Variants in MAP7D2 observed in about 807,000 individuals in gnomAD.
The protein encoded by MAP7D2 is MAP7 domain-containing protein 2.
A neutral mutation model predicts 63.5 loss-of-function variants in MAP7D2; 33 were observed. The ratio of observed to expected loss-of-function variants is 0.52; its 90% CI spans 0.39 to 0.70. The LOEUF is 0.70. Ranked by LOEUF, MAP7D2 falls within the 30% of genes least tolerant of loss-of-function variation. The probability of loss-of-function intolerance (pLI) is 0.00; values close to 1 mark genes in which losing one functional copy is unlikely to be tolerated. For synonymous variants in MAP7D2, 224 were observed against 223.7 expected, an observed-to-expected ratio of 1.00 and a Z score of -0.01; for missense variants, 626 against 604.0, an observed-to-expected ratio of 1.04 and a Z score of -0.38.
intron 8 of MAP7D2, among the ~76,000 whole-genome samples, chrX:20,026,962 G>C (rs1020474502): frequency 6.2e-5 from 7 of 112,211 alleles, no homozygotes; most frequent in Middle Eastern, 4.6e-3. Flanking sequence ...TGACTTTTTT[G>C]ATCTATAAAA....
intron 6 of MAP7D2, among the ~76,000 whole-genome samples, chrX:20,045,038 G>C (rs1603370637): frequency 9.0e-6 from 1 of 111,245 alleles, no homozygotes; most frequent in Non-Finnish European, 1.9e-5. Flanking sequence ...GTGCCTGGGA[G>C]GGGATGCCTA....
intron 1 of MAP7D2, among the ~76,000 whole-genome samples, chrX:20,099,637 G>A (rs2066375310): frequency 8.9e-6 from 1 of 111,770 alleles, no homozygotes; most frequent in Admixed American, 9.6e-5. Context: ...CTACACACAT[G>A]ACAGACATTC....
At position 20,011,914 on chromosome X, in the gene MAP7D2, T is replaced by G. The variant is rs779043097; in HGVS notation, c.2072+435A>C. On this transcript the variant is annotated intron_variant, in intron 15 of 16. Coordinates refer to ENST00000379643, the MANE Select transcript of MAP7D2 (RefSeq NM_001168465.2). ...GGCTGAGGGCCTGTCACCAGGAATCTCTTAACAGCCAGAGTAAAGCTGCTG... is the reference window on the plus strand; with the variant it reads ...GGCTGAGGGCCTGTCACCAGGAATCGCTTAACAGCCAGAGTAAAGCTGCTG... Among the ~76,000 whole-genome samples, 104 of 112,470 alleles carry G rather than the reference T, an allele frequency of 9.2e-4. No homozygotes were observed. The Middle Eastern group carries it at 0.028, about 30-fold the overall frequency.
intron 8 of MAP7D2, among the ~76,000 whole-genome samples, chrX:20,033,995 C>T (rs946903127): frequency 9.1e-6 from 1 of 110,253 alleles, no homozygotes; most frequent in Non-Finnish European, 1.9e-5. Context: ...GAGGCCAAGG[C>T]GGGTGGATCA....
At chrX:20,034,739 C>T (rs1569517715) in intron 8 of MAP7D2, among the ~76,000 whole-genome samples, 1 of 111,693 alleles carries the variant, frequency 9.0e-6, no homozygotes, top group Non-Finnish European at 1.9e-5. Flanking sequence ...GACTTCCCAG[C>T]CTCCGGAACT....
intron 3 of MAP7D2, among the ~76,000 whole-genome samples, chrX:20,059,608 A>G (rs2065147482): frequency 9.8e-6 from 1 of 102,015 alleles, no homozygotes; most frequent in East Asian, 3.0e-4. Context: ...GGAAGGAAGG[A>G]AGGAAGGAAG....
intron 1 of MAP7D2, among the ~76,000 whole-genome samples, chrX:20,104,361 C>T (rs2066511481): frequency 8.9e-6 from 1 of 112,783 alleles, no homozygotes. Flanking sequence ...AGTACAGTGG[C>T]ACAATCTCAG....
chrX:20,042,775 C>A, intron 7 of MAP7D2, 146 bp from the exon 8 acceptor site: 1 of 711,140 alleles, frequency 1.4e-6, no homozygotes, highest in Non-Finnish European at 2.1e-6. Context: ...GGCATCTTTG[C>A]GGGGAGGCAG....
intron 1 of MAP7D2, among the ~76,000 whole-genome samples, chrX:20,104,520 C>G (rs900122902): frequency 2.7e-5 from 3 of 111,877 alleles, no homozygotes; most frequent in Non-Finnish European, 3.8e-5. Flanking sequence ...AGGCTGGTCT[C>G]GAACTCCTGA....
intron 8 of MAP7D2, among the ~76,000 whole-genome samples, chrX:20,036,687 C>T (rs1336654607): frequency 3.8e-5 from 4 of 104,755 alleles, no homozygotes; most frequent in South Asian, 4.5e-4. Flanking sequence ...GGGCGGATCA[C>T]GAGGTCAGGA....
intron 8 of MAP7D2, among the ~76,000 whole-genome samples, chrX:20,035,854 A>G (rs1380407841): frequency 9.0e-6 from 1 of 110,778 alleles, no homozygotes; most frequent in Non-Finnish European, 1.9e-5. Context: ...CAGAGGTTGC[A>G]GTGGGCCGAG....
chrX:20,044,310 C>A, intron 7 of MAP7D2, 54 bp downstream of exon 7: 1 of 1,132,004 alleles, frequency 8.8e-7, no homozygotes, highest in Non-Finnish European at 1.2e-6. Context: ...GTAATCACAC[C>A]ATCAGACAGA....
intron 6 of MAP7D2, among the ~76,000 whole-genome samples, chrX:20,049,397 G>A (rs191941614): frequency 2.8e-5 from 3 of 107,272 alleles, no homozygotes; most frequent in African/African-American, 1.0e-4. Flanking sequence ...TTAGCCTCCC[G>A]AGTAGCTGGG....
At chrX:20,098,061 C>CT (rs1340416309) in intron 1 of MAP7D2, among the ~76,000 whole-genome samples, 1 of 111,214 alleles carries the variant, frequency 9.0e-6, no homozygotes, top group Non-Finnish European at 1.9e-5. Context: ...AACAAAAAAT[C>CT]TTTTTTATGT....
At chrX:20,109,798 C>T (rs1418089112) in intron 1 of MAP7D2, among the ~76,000 whole-genome samples, 1 of 111,566 alleles carries the variant, frequency 9.0e-6, no homozygotes, top group African/African-American at 3.3e-5. Flanking sequence ...GTAATCCCAG[C>T]ACTTTGGGAG....
chrX:20,044,676 A>G, intron 6 of MAP7D2, 152 bp from the exon 7 acceptor site: 1 of 499,030 alleles, frequency 2.0e-6, no homozygotes, highest in Non-Finnish European at 3.3e-6. Context: ...CTTACCCTAA[A>G]AAGGCTCCCA....
At chrX:20,055,909 TAGGA>T in intron 4 of MAP7D2, 1 of 458,280 alleles carries the variant, frequency 2.2e-6, no homozygotes, top group Non-Finnish European at 3.2e-6. Context: ...AGTTTCTAAT[TAGGA>T]AATTAGAAAA....
intron 1 of MAP7D2, among the ~76,000 whole-genome samples, chrX:20,073,388 G>GA (rs2065556329): frequency 9.0e-6 from 1 of 111,434 alleles, no homozygotes; most frequent in Non-Finnish European, 1.9e-5. Context: ...AAAAGGGGAT[G>GA]AAAAAAACTG....
At chrX:20,074,508 G>A (rs745772931) in intron 1 of MAP7D2, among the ~76,000 whole-genome samples, 5 of 111,272 alleles carry the variant, frequency 4.5e-5, no homozygotes, top group African/African-American at 1.3e-4. Context: ...ACATACTCCC[G>A]CCTCATATTT....
Sources: gnomAD v4.1 joint callset for allele counts (sites outside exome capture counted in the v4.1 genomes callset) on GRCh38, gnomAD v4.1.1 for gene constraint, MANE v1.5 for transcripts, NCBI Gene and HGNC (gene_info 2026-07-23, HGNC 2026-07-21) for gene names.